Variants in ZSWIM6 observed in about 807,000 individuals in gnomAD.
ZSWIM6 encodes zinc finger SWIM domain-containing protein 6.
In ZSWIM6, 9 loss-of-function variants were observed where a neutral mutation model predicts 113.2. The observed-to-expected ratio is 0.08, with a 90% CI of 0.05 to 0.14. ZSWIM6 has a LOEUF of 0.14. Among genes scored for constraint, ZSWIM6 ranks in the 10% least tolerant of loss-of-function variants. ZSWIM6 has a pLI of 1.00. For synonymous variants in ZSWIM6, 611 were observed against 606.5 expected (o/e 1.01, Z -0.11); for missense variants, 1,162 against 1,552.2 (o/e 0.75, Z 4.22).
At chr5:61,519,937 A>G (rs547696693) in intron 4 of ZSWIM6, among the ~76,000 whole-genome samples, 7 of 152,246 alleles carry the variant, frequency 4.6e-5, no homozygotes, top group East Asian at 3.9e-4. Flanking sequence ...TCACAATAGT[A>G]TTTGTGTTCC....
chr5:61,364,454 A>G (rs947664555), intron 1 of ZSWIM6, among the ~76,000 whole-genome samples: 2 of 152,232 alleles, frequency 1.3e-5, no homozygotes, highest in Admixed American at 6.5e-5. Context: ...AAAAAAATCA[A>G]AAGAATAATA....
chr5:61,478,110 C>T (rs1008779044), intron 2 of ZSWIM6, among the ~76,000 whole-genome samples: 8 of 152,152 alleles, frequency 5.3e-5, no homozygotes, highest in African/African-American at 1.9e-4. Context: ...CATACCCTTT[C>T]TATTGTATAA....
At chr5:61,468,295 G>C (rs1183912799) in intron 1 of ZSWIM6, among the ~76,000 whole-genome samples, 1 of 152,148 alleles carries the variant, frequency 6.6e-6, no homozygotes, top group African/African-American at 2.4e-5. Context: ...GATTAAAAAT[G>C]GGGATTCTAA....
intron 1 of ZSWIM6, among the ~76,000 whole-genome samples, chr5:61,426,811 CTTTTTTTT>C (rs1173474197): frequency 6.9e-6 from 1 of 143,968 alleles, no homozygotes; most frequent in Non-Finnish European, 1.5e-5. Flanking sequence ...TTGAGTTTTT[CTTTTTTTT>C]TTTTTTTCTC....
At chr5:61,392,031 G>A (rs937930537) in intron 1 of ZSWIM6, among the ~76,000 whole-genome samples, 5 of 152,070 alleles carry the variant, frequency 3.3e-5, no homozygotes, top group Admixed American at 2.0e-4. Context: ...ACATGCATTC[G>A]TGTTTTGACA....
chr5:61,348,772 T>C (rs1744721502), intron 1 of ZSWIM6, among the ~76,000 whole-genome samples: 1 of 152,176 alleles, frequency 6.6e-6, no homozygotes, highest in Admixed American at 6.5e-5. Context: ...TCATACTGTT[T>C]CTTCTTAAAA....
At chr5:61,349,376 A>C (rs542527395) in intron 1 of ZSWIM6, among the ~76,000 whole-genome samples, 1 of 152,346 alleles carries the variant, frequency 6.6e-6, no homozygotes. Flanking sequence ...AATGAATGAT[A>C]GCCTTAGAGT....
intron 4 of ZSWIM6, among the ~76,000 whole-genome samples, chr5:61,512,891 C>T (rs543459857): frequency 6.6e-6 from 1 of 152,062 alleles, no homozygotes; most frequent in East Asian, 1.9e-4. Flanking sequence ...ACCCCTTCCC[C>T]CGAGCTTATG....
intron 2 of ZSWIM6, among the ~76,000 whole-genome samples, chr5:61,489,032 T>C (rs16891780): frequency 0.033 from 4,981 of 152,128 alleles, 259 homozygotes; most frequent in African/African-American, 0.11. Flanking sequence ...CTCAGTCTGA[T>C]CCTGCTTCTT....
At chr5:61,420,818 C>T (rs1746341228) in intron 1 of ZSWIM6, among the ~76,000 whole-genome samples, 2 of 152,016 alleles carry the variant, frequency 1.3e-5, no homozygotes, top group African/African-American at 4.8e-5. Flanking sequence ...TACAGGCAAT[C>T]CTGTTATACT....
chr5:61,505,367 C>T (rs892215541), intron 4 of ZSWIM6, among the ~76,000 whole-genome samples: 2 of 151,998 alleles, frequency 1.3e-5, no homozygotes, highest in African/African-American at 4.8e-5. Context: ...TCTCTCCTTC[C>T]CTCTCTTGAA....
chr5:61,490,707 C>CA, intron 2 of ZSWIM6, 79 bp from the exon 3 acceptor site: 1 of 1,389,628 alleles, frequency 7.2e-7, no homozygotes, highest in East Asian at 2.7e-5. Flanking sequence ...AAAAAGTAGG[C>CA]AAAAAGAGTC....
At position 61,543,788 on chromosome 5, in the gene ZSWIM6, G is replaced by A. The variant is rs192222164; in HGVS notation, c.3119G>A (p.Arg1040His). 5.6e-4 allele frequency: 876 copies of A among 1,551,828 alleles called. No homozygotes were observed. Among genetic ancestry groups the A allele is most frequent in the Middle Eastern group, 1.7e-3 (10 of 5,994 alleles). The change falls in exon 14 of 14, where the codon CGC (arginine) becomes CAC (histidine). Residue 1040 changes from arginine (R) to histidine (H), a missense_variant. By Grantham distance (29) the Arg-to-His change is conservative. Around this residue, in one of 4 missense-constraint regions of ZSWIM6, gnomAD observed 620 missense variants for 804.6 expected, o/e 0.77. Coordinates refer to ENST00000252744, the MANE Select transcript of ZSWIM6 (RefSeq NM_020928.2). This position sits in a 1 kb window ranked among gnomAD's most constrained non-coding sequence, Gnocchi z 4.3. ...ACAATAGCACGGTACATGGAGCACCGCGGGTACCCCATGAGGGCCTACAAG... is the reference window on the plus strand; with the variant it reads ...ACAATAGCACGGTACATGGAGCACCACGGGTACCCCATGAGGGCCTACAAG... Reference protein sequence around the residue: ...LFTIARYMEHRGYPMRAYKLA... With the variant: ...LFTIARYMEHHGYPMRAYKLA...
At chr5:61,340,413 A>T (rs1168197074) in intron 1 of ZSWIM6, among the ~76,000 whole-genome samples, 3 of 152,218 alleles carry the variant, frequency 2.0e-5, no homozygotes, top group Non-Finnish European at 4.4e-5. Context: ...ACCCAGGTGT[A>T]ATTTGAATGT....
At chr5:61,490,580 A>G (rs1748153905) in intron 2 of ZSWIM6, among the ~76,000 whole-genome samples, 1 of 152,134 alleles carries the variant, frequency 6.6e-6, no homozygotes, top group African/African-American at 2.4e-5. Context: ...AAATATCTCA[A>G]TTCTAAAGTA....
chr5:61,353,860 G>A (rs74807749), intron 1 of ZSWIM6, among the ~76,000 whole-genome samples: 3 of 152,164 alleles, frequency 2.0e-5, no homozygotes, highest in Admixed American at 2.0e-4. Flanking sequence ...AGTATAACAA[G>A]CTGTGTGAGG....
At chr5:61,416,173 G>C (rs988177554) in intron 1 of ZSWIM6, among the ~76,000 whole-genome samples, 1 of 152,176 alleles carries the variant, frequency 6.6e-6, no homozygotes, top group Non-Finnish European at 1.5e-5. Context: ...CAGATTCTTG[G>C]AAGGAATAGA....
intron 9 of ZSWIM6, among the ~76,000 whole-genome samples, chr5:61,533,430 C>G (rs1371761577): frequency 6.6e-6 from 1 of 152,210 alleles, no homozygotes; most frequent in African/African-American, 2.4e-5. Flanking sequence ...TTAATCCCTC[C>G]TGGCCACAAT....
intron 1 of ZSWIM6, among the ~76,000 whole-genome samples, chr5:61,429,685 CTGTG>C (rs1372287589): frequency 2.6e-5 from 4 of 152,080 alleles, no homozygotes; most frequent in Admixed American, 2.6e-4. Flanking sequence ...GAGAGCCGTC[CTGTG>C]TGTGTATGTG....
Sources: gnomAD v4.1 joint callset for allele counts (sites outside exome capture counted in the v4.1 genomes callset) on GRCh38, gnomAD v4.1.1 for gene constraint, gnomAD v4.1.1 regional missense constraint, Gnocchi (gnomAD v3.1) non-coding constraint, MANE v1.5 for transcripts, NCBI Gene and HGNC (gene_info 2026-07-23, HGNC 2026-07-21) for gene names.